Variants in CHLSN observed in about 807,000 individuals in gnomAD.
The protein encoded by CHLSN is cholesin, also known as protein cholesin.
the CHLSN span, among the ~76,000 whole-genome samples, chr7:1,062,686 C>A: frequency 6.6e-6 from 1 of 152,176 alleles, no homozygotes; most frequent in African/African-American, 2.4e-5. Flanking sequence ...GTTGGGGTAT[C>A]CTGCAGCCCT....
At chr7:1,070,627 C>A in the CHLSN span, among the ~76,000 whole-genome samples, 10 of 145,926 alleles carry the variant, frequency 6.9e-5, no homozygotes, top group South Asian at 8.9e-4. Flanking sequence ...CACACGCACA[C>A]AACACGCACA....
chr7:1,019,208 AAAAC>A, the CHLSN span, among the ~76,000 whole-genome samples: 2 of 85,110 alleles, frequency 2.3e-5, no homozygotes, highest in African/African-American at 4.8e-5. Flanking sequence ...AAAAAAAAAA[AAAAC>A]GGGGGGGGGG....
chr7:1,038,958 C>G, the CHLSN span, among the ~76,000 whole-genome samples: 87 of 37,386 alleles, frequency 2.3e-3, no homozygotes, highest in Admixed American at 3.5e-3. Flanking sequence ...GCCCCTACTG[C>G]GAAGTGAGGA....
chr7:1,030,521 G>C, the CHLSN span, among the ~76,000 whole-genome samples: 2 of 152,190 alleles, frequency 1.3e-5, no homozygotes, highest in African/African-American at 4.8e-5. Flanking sequence ...CACGCTTCCA[G>C]CTACCCTGCT....
chr7:1,058,863 A>G, the CHLSN span: 11 of 245,802 alleles, frequency 4.5e-5, no homozygotes, highest in Non-Finnish European at 6.8e-5. Context: ...TGGTTAAAAT[A>G]CTTGATTCCC....
At chr7:1,000,534 T>C in the CHLSN span, 1 of 1,607,914 alleles carries the variant, frequency 6.2e-7, no homozygotes, top group Non-Finnish European at 8.5e-7. Context: ...CCTCCAGTTC[T>C]TGTGCTTTTG....
At chr7:992,804 G>A in the CHLSN span, among the ~76,000 whole-genome samples, 153 of 152,202 alleles carry the variant, frequency 1.0e-3, no homozygotes, top group Non-Finnish European at 1.7e-3. Context: ...GCTTCAGAGG[G>A]CAGTGGGACT....
the CHLSN span, among the ~76,000 whole-genome samples, chr7:1,053,340 A>AACCTTGCGCAGGGC: frequency 1.3e-5 from 2 of 152,196 alleles, no homozygotes; most frequent in African/African-American, 4.8e-5. Context: ...TAGAGCCCAG[A>AACCTTGCGCAGGGC]ACCTTGCGCA....
chr7:1,087,619 T>C, the CHLSN span, among the ~76,000 whole-genome samples: 5 of 152,232 alleles, frequency 3.3e-5, no homozygotes, highest in Non-Finnish European at 7.3e-5. Context: ...ACTCTGGATT[T>C]CAGATTTCCA....
the CHLSN span, chr7:1,087,160 C>T: frequency 6.6e-6 from 1 of 152,252 alleles, no homozygotes; most frequent in Admixed American, 6.5e-5. Flanking sequence ...GTTTATTCTC[C>T]GCCTGCACGA....
chr7:1,081,153 G>A, the CHLSN span, among the ~76,000 whole-genome samples: 22 of 152,242 alleles, frequency 1.4e-4, no homozygotes, highest in East Asian at 1.9e-3. Flanking sequence ...CCCGCGTGCC[G>A]TCATCCAGGG....
the CHLSN span, among the ~76,000 whole-genome samples, chr7:999,423 GGGCTTACAATC>G: frequency 1.3e-5 from 2 of 151,706 alleles, no homozygotes; most frequent in South Asian, 2.1e-4. Flanking sequence ...GCTTGCAATA[GGGCTTACAATC>G]GGCTTGCAAT....
At chr7:1,089,792 A>G in the CHLSN span, among the ~76,000 whole-genome samples, 13 of 151,604 alleles carry the variant, frequency 8.6e-5, no homozygotes, top group African/African-American at 2.4e-4. Context: ...CTTCAAAACA[A>G]TAACCCCTGG....
chr7:1,105,097 T>C, the CHLSN span, among the ~76,000 whole-genome samples: 6 of 152,100 alleles, frequency 3.9e-5, no homozygotes, highest in Admixed American at 1.3e-4. Context: ...AAAAGAAAAA[T>C]AGTTGTCATG....
At chr7:1,133,751 CAA>C in the CHLSN span, among the ~76,000 whole-genome samples, 2 of 114,980 alleles carry the variant, frequency 1.7e-5, no homozygotes, top group Non-Finnish European at 3.6e-5. Context: ...GACTCCATCT[CAA>C]AAAAAAAAAA....
the CHLSN span, chr7:988,715 C>T: frequency 6.3e-7 from 1 of 1,599,720 alleles, no homozygotes. Context: ...GAGGTACCGC[C>T]TGCTGCCCCC....
chr7:1,071,373 G>T, the CHLSN span, among the ~76,000 whole-genome samples: 11 of 152,216 alleles, frequency 7.2e-5, no homozygotes, highest in Non-Finnish European at 1.2e-4. Flanking sequence ...CCCGGGCTCT[G>T]TGGCACTAGC....
chr7:1,097,256 A>G, the CHLSN span, among the ~76,000 whole-genome samples: 1 of 151,846 alleles, frequency 6.6e-6, no homozygotes, highest in South Asian at 2.1e-4. This position sits in a 1 kb window ranked among gnomAD's most constrained non-coding sequence, Gnocchi z 4.3. Flanking sequence ...ACTCCGGGAG[A>G]AATGGCTGAT....
chr7:1,055,440 G>A, the CHLSN span: 1 of 465,816 alleles, frequency 2.1e-6, no homozygotes, highest in South Asian at 1.5e-5. Context: ...CACCGACAGT[G>A]GCCAGGGCCC....
Sources: gnomAD v4.1 joint callset for allele counts (sites outside exome capture counted in the v4.1 genomes callset) on GRCh38, gnomAD v4.1.1 for gene constraint, Gnocchi (gnomAD v3.1) non-coding constraint, MANE v1.5 for transcripts, NCBI Gene and HGNC (gene_info 2026-07-23, HGNC 2026-07-21) for gene names.